BMPR1A: variants seen among roughly 807,000 people sequenced by gnomAD.
BMPR1A encodes the protein bone morphogenetic protein receptor type 1A.
In BMPR1A, 7 loss-of-function variants were observed where a neutral mutation model predicts 66.0. The observed-to-expected ratio is 0.11, with a 90% CI of 0.06 to 0.20. The LOEUF (loss-of-function observed/expected upper bound fraction) is 0.20, where lower values mean the gene tolerates loss of function less well. Ranked by LOEUF, BMPR1A falls within the 10% of genes least tolerant of loss-of-function variation. The pLI is 1.00. For missense variants in BMPR1A, 408 were observed against 669.1 expected (o/e 0.61, Z 4.31); for synonymous variants, 200 against 229.7 (o/e 0.87, Z 1.17).
chr10:86,861,109 G>A (rs1403228109), intron 2 of BMPR1A, among the ~76,000 whole-genome samples: 1 of 152,054 alleles, frequency 6.6e-6, no homozygotes, highest in Non-Finnish European at 1.5e-5. Flanking sequence ...CCAAAGTGCT[G>A]GGATTACAGG....
intron 3 of BMPR1A, among the ~76,000 whole-genome samples, chr10:86,885,060 C>G (rs1035664054): frequency 6.6e-6 from 1 of 152,164 alleles, no homozygotes; most frequent in African/African-American, 2.4e-5. Context: ...CTTTTCTTCT[C>G]CCTTTGATTT....
chr10:86,919,444 C>G lies in BMPR1A; in HGVS notation c.1141C>G (p.Leu381Val), dbSNP rs864622566. Residue 381 changes from leucine to valine, a missense_variant, in exon 10 of 13, where the codon CTG becomes GTG. Leu to Val is a conservative substitution (Grantham distance 32). This residue lies in a region of BMPR1A where 130 missense variants were observed against 257.3 expected (regional missense o/e 0.51). Coordinates refer to ENST00000372037, the MANE Select transcript of BMPR1A (RefSeq NM_004329.3). ...AAATGGGAGTTGCTGCATTGCTGAC[C>G]TGGGCCTTGCTGTTAAATTCAACAG... is the stretch of plus-strand genomic sequence containing the variant. ...KKNGSCCIAD[L>V]GLAVKFNSDT... is the part of the protein sequence containing the mutation. The G allele has an allele frequency of 1.2e-6, 2 of 1,613,426 alleles. No individual in the cohort carries two copies. Among genetic ancestry groups the G allele is most frequent in the Non-Finnish European group, 8.5e-7 (1 of 1,179,858 alleles).
At chr10:86,923,243 G>GT in intron 11 of BMPR1A, 133 bp from the exon 12 acceptor site, 1 of 1,093,172 alleles carries the variant, frequency 9.1e-7, no homozygotes, top group South Asian at 1.3e-5. Context: ...TATTAAGAGT[G>GT]AATCATAGTG....
At chr10:86,888,798 G>T (rs886138990) in intron 3 of BMPR1A, among the ~76,000 whole-genome samples, 3 of 145,066 alleles carry the variant, frequency 2.1e-5, no homozygotes, top group Non-Finnish European at 3.0e-5. Context: ...CTGTACTCCA[G>T]CCTGGGCAAT....
chr10:86,885,687 G>A (rs1843059375), intron 3 of BMPR1A, among the ~76,000 whole-genome samples: 1 of 152,244 alleles, frequency 6.6e-6, no homozygotes, highest in South Asian at 2.1e-4. Context: ...GATGCAGACT[G>A]TTGTTGCAGA....
At chr10:86,760,992 G>A (rs1182139749) in intron 1 of BMPR1A, among the ~76,000 whole-genome samples, 3 of 152,132 alleles carry the variant, frequency 2.0e-5, no homozygotes, top group Non-Finnish European at 2.9e-5. Context: ...CCCCAATTCC[G>A]GAGATGCTAA....
chr10:86,899,452 C>G (rs1843274182), intron 5 of BMPR1A, among the ~76,000 whole-genome samples: 1 of 152,182 alleles, frequency 6.6e-6, no homozygotes, highest in African/African-American at 2.4e-5. Context: ...ACTACGACAC[C>G]CTCCACTTTT....
Position 86,920,406 on chromosome 10 carries a change from A to G in BMPR1A, c.1166+937A>G, listed in dbSNP as rs117412435. On this transcript the variant is annotated intron_variant, in intron 10 of 12. Coordinates refer to ENST00000372037, the MANE Select transcript of BMPR1A (RefSeq NM_004329.3). ...ACAAATGCAAGTGTTAGAAATTACAAATTTTTAGGAAACCTTTGAAACCAT... is the reference window on the plus strand; with the variant it reads ...ACAAATGCAAGTGTTAGAAATTACAGATTTTTAGGAAACCTTTGAAACCAT... 8.7e-3 allele frequency among the ~76,000 whole-genome samples: 1,329 copies of G among 152,334 alleles called. 26 individuals carry two copies. Among genetic ancestry groups the G allele is most frequent in the South Asian group, 0.082 (393 of 4,822 alleles).
chr10:86,893,978 A>G (rs1843192272), intron 5 of BMPR1A, among the ~76,000 whole-genome samples: 2 of 152,232 alleles, frequency 1.3e-5, no homozygotes, highest in Admixed American at 1.3e-4. Context: ...AAGTAAAAAA[A>G]GTGCTTCATC....
At chr10:86,880,269 T>C (rs1254622770) in intron 3 of BMPR1A, among the ~76,000 whole-genome samples, 5 of 152,234 alleles carry the variant, frequency 3.3e-5, no homozygotes, top group Non-Finnish European at 7.3e-5. Flanking sequence ...TGAGAATTTC[T>C]GACCTAGCCA....
chr10:86,910,704 G>T (rs1589287848), intron 7 of BMPR1A, among the ~76,000 whole-genome samples: 1 of 152,046 alleles, frequency 6.6e-6, no homozygotes, highest in Admixed American at 6.6e-5. Flanking sequence ...AATTATAATG[G>T]TTAAGTACAT....
intron 7 of BMPR1A, among the ~76,000 whole-genome samples, chr10:86,911,574 C>T (rs371407494): frequency 6.6e-6 from 1 of 152,048 alleles, no homozygotes; most frequent in East Asian, 1.9e-4. Flanking sequence ...AGCAAAACCC[C>T]ATCTCTACTA....
At chr10:86,856,076 T>G in intron 2 of BMPR1A, 1 of 565,486 alleles carries the variant, frequency 1.8e-6, no homozygotes, top group East Asian at 4.3e-5. Context: ...TAACAAAAAT[T>G]GCTGCAAAAA....
Position 86,926,699 on chromosome 10 carries a change from C to G in BMPR1A, c.*2980C>G, listed in dbSNP as rs567692869. 63 of 182,840 alleles carry G rather than the reference C, an allele frequency of 3.4e-4. No individual in the cohort carries two copies. The highest frequency in any genetic ancestry group is 5.6e-4 in the Non-Finnish European group (48 of 86,008). 11.3% of individuals were successfully genotyped at this position (182,840 alleles called of 1,614,324 possible). A position where few individuals can be genotyped will look rare whatever the true frequency, so the allele number is the denominator to read the frequency against. On this transcript the variant is annotated 3_prime_UTR_variant, in exon 13 of 13. Transcript: ENST00000372037. Reference sequence around the variant, plus strand: ...TACCATAGTTAGTAAATTCGTAAAACCTTGGAAGCCATTATTTGGTCCCAC... The same window carrying G: ...TACCATAGTTAGTAAATTCGTAAAAGCTTGGAAGCCATTATTTGGTCCCAC...
At chr10:86,895,457 G>A (rs920815614) in intron 5 of BMPR1A, among the ~76,000 whole-genome samples, 4 of 151,864 alleles carry the variant, frequency 2.6e-5, no homozygotes, top group Admixed American at 1.3e-4. Context: ...AGAATTGCTT[G>A]AACACAGGAG....
intron 8 of BMPR1A, 134 bp from the exon 9 acceptor site, chr10:86,917,000 A>G (rs1843579962): frequency 9.8e-7 from 1 of 1,023,316 alleles, no homozygotes; most frequent in African/African-American, 1.6e-5. Flanking sequence ...CTCAAAAAAA[A>G]AAAAGTACAT....
At chr10:86,801,966 C>T (rs536800059) in intron 1 of BMPR1A, among the ~76,000 whole-genome samples, 7 of 152,076 alleles carry the variant, frequency 4.6e-5, no homozygotes, top group Middle Eastern at 6.8e-3. Flanking sequence ...TGCCCCCCTC[C>T]GCCTTCCAAA....
chr10:86,855,462 C>A, intron 2 of BMPR1A: 3 of 585,246 alleles, frequency 5.1e-6, no homozygotes, highest in East Asian at 2.8e-5. Flanking sequence ...TTCTGACCTA[C>A]TGTATTTACT....
chr10:86,890,369 T>C (rs545864554), intron 4 of BMPR1A, 145 bp downstream of exon 4: 2 of 901,080 alleles, frequency 2.2e-6, no homozygotes, highest in Non-Finnish European at 3.4e-6. Context: ...TTTTGTTTTG[T>C]ATATTAGAAC....
Sources: allele counts gnomAD v4.1 joint callset (sites outside exome capture counted in the v4.1 genomes callset), GRCh38; gene constraint gnomAD v4.1.1; regional missense constraint gnomAD v4.1.1; transcripts MANE v1.5; gene names NCBI Gene and HGNC (gene_info 2026-07-23, HGNC 2026-07-21).